The following PREP variants were observed in gnomAD, a reference collection of about 807,000 sequenced individuals.
PREP encodes the protein dJ355L5.1 (prolyl endopeptidase).
In PREP, 29 loss-of-function variants were observed where a neutral mutation model predicts 87.6. That is an observed-to-expected ratio of 0.33 (90% CI 0.25 to 0.45). The LOEUF (loss-of-function observed/expected upper bound fraction) is 0.45. Ranked by LOEUF, PREP falls within the 20% of genes least tolerant of loss-of-function variation. The pLI is 1.00. For synonymous variants in PREP, 337 were observed against 328.6 expected (o/e 1.03, Z -0.28); for missense variants, 695 against 886.5 (o/e 0.78, Z 2.74).
At chr6:105,363,360 C>G (rs967531660) in intron 6 of PREP, among the ~76,000 whole-genome samples, 45 of 152,304 alleles carry the variant, frequency 3.0e-4, no homozygotes, top group African/African-American at 1.1e-3. Context: ...TCCCCAGATG[C>G]TCACAATTCA....
At chr6:105,352,936 T>C (rs1771996482) in intron 7 of PREP, 36 bp downstream of exon 7, 1 of 1,534,670 alleles carries the variant, frequency 6.5e-7, no homozygotes, top group Non-Finnish European at 9.0e-7. Context: ...ATGAAGTTTC[T>C]TGGAATAACT....
chr6:105,281,978 T>C, intron 13 of PREP, 76 bp from the exon 14 acceptor site: 3 of 1,514,348 alleles, frequency 2.0e-6, no homozygotes, highest in South Asian at 2.5e-5. Context: ...AGGCAATACT[T>C]ACTTACATGC....
At chr6:105,374,531 A>C (rs886591811) in intron 4 of PREP, among the ~76,000 whole-genome samples, 8 of 151,566 alleles carry the variant, frequency 5.3e-5, no homozygotes, top group African/African-American at 1.9e-4. Context: ...TAAAGTATCT[A>C]GGCTCATATG....
At chr6:105,279,148 A>C (rs936188302) in intron 14 of PREP, 1 of 152,212 alleles carries the variant, frequency 6.6e-6, no homozygotes, top group Non-Finnish European at 1.5e-5. Flanking sequence ...AATAGTTGAA[A>C]TATCTGGATA....
At position 105,276,825 on chromosome 6, in the gene PREP, AGAGAAT is replaced by A. The variant is rs1355225843; in HGVS notation, c.*1313_*1318del. Among the ~76,000 whole-genome samples the A allele has an allele frequency of 6.6e-6, 1 of 152,242 alleles. No homozygotes were observed. Among genetic ancestry groups the A allele is most frequent in the Non-Finnish European group, 1.5e-5 (1 of 68,040 alleles). The stretch of plus-strand genomic sequence containing the variant: ...AATTTTTGACCATAACTTGAAACGT[AGAGAAT>A]GAGAGAGTGCTCTTAAAAGCACATA... On this transcript the variant is annotated 3_prime_UTR_variant, in exon 15 of 15. Coordinates refer to ENST00000652536, the MANE Select transcript of PREP (RefSeq NM_002726.5).
At chr6:105,309,829 G>T (rs934983477) in intron 10 of PREP, among the ~76,000 whole-genome samples, 2 of 152,132 alleles carry the variant, frequency 1.3e-5, no homozygotes, top group South Asian at 2.1e-4. Flanking sequence ...AAGGGAACTT[G>T]TTTCTGAGTG....
intron 1 of PREP, 124 bp downstream of exon 1, chr6:105,402,723 C>A (rs1488157469): frequency 2.2e-6 from 2 of 901,030 alleles, no homozygotes; most frequent in Non-Finnish European, 3.1e-6. Flanking sequence ...CAAACAAAGG[C>A]CGAGGGGGAG....
chr6:105,358,218 C>A (rs1469792981), intron 6 of PREP, among the ~76,000 whole-genome samples: 2 of 152,042 alleles, frequency 1.3e-5, no homozygotes, highest in Admixed American at 6.6e-5. Flanking sequence ...AAAAGAATTA[C>A]TATAAATGAA....
intron 5 of PREP, 105 bp downstream of exon 5, chr6:105,373,264 T>C: frequency 7.9e-7 from 1 of 1,262,270 alleles, no homozygotes; most frequent in South Asian, 1.3e-5. Context: ...GGAAACATGG[T>C]TCTGGACCAC....
chr6:105,367,213 T>TA (rs1014013879), intron 6 of PREP, among the ~76,000 whole-genome samples: 28 of 152,188 alleles, frequency 1.8e-4, no homozygotes, highest in Admixed American at 1.8e-3. Flanking sequence ...CAGATGAAGG[T>TA]AAAAAATGTA....
Position 105,278,272 on chromosome 6 carries a change from G to T in PREP, c.2005C>A (p.Pro669Thr). 1 of 1,614,240 alleles carries T rather than the reference G, an allele frequency of 6.2e-7. No homozygotes were observed. Among genetic ancestry groups the T allele is most frequent in the African/African-American group, 1.3e-5 (1 of 75,062 alleles). ...TTGGTGTCCACGTGGATAAGCAGGG[G>T]GTTGCTTTGCTTCCTGCTGCGGCCC... ...IVGRSRKQSN[P>T]LLIHVDTKAG... The change falls in exon 15 of 15, where the codon CCC becomes ACC. Residue 669 changes from proline to threonine, a missense_variant. This residue lies in a region of PREP where 121 missense variants were observed against 154.8 expected (regional missense o/e 0.78). Transcript: ENST00000652536. This position sits in a 1 kb window ranked among gnomAD's most constrained non-coding sequence, Gnocchi z 4.2.
intron 2 of PREP, among the ~76,000 whole-genome samples, chr6:105,391,593 G>A (rs1773149013): frequency 6.6e-6 from 1 of 152,190 alleles, no homozygotes; most frequent in Admixed American, 6.5e-5. Flanking sequence ...TATGCTAATG[G>A]GAGATGTTAC....
intron 6 of PREP, among the ~76,000 whole-genome samples, chr6:105,365,723 C>A (rs979375845): frequency 6.6e-6 from 1 of 152,122 alleles, no homozygotes; most frequent in Non-Finnish European, 1.5e-5. Context: ...CAAGACCACC[C>A]AAGTTCTGGA....
At chr6:105,289,593 C>A (rs1368506671) in intron 10 of PREP, among the ~76,000 whole-genome samples, 1 of 152,086 alleles carries the variant, frequency 6.6e-6, no homozygotes, top group Non-Finnish European at 1.5e-5. Flanking sequence ...AAGTAAACAT[C>A]TCCTTATCCT....
intron 10 of PREP, among the ~76,000 whole-genome samples, chr6:105,317,114 TA>T (rs201487403): frequency 6.7e-6 from 1 of 150,318 alleles, no homozygotes; most frequent in East Asian, 2.0e-4. Flanking sequence ...CCTGGCTAAT[TA>T]AAAAAAAATA....
At chr6:105,279,360 T>A (rs1770020877) in intron 14 of PREP, among the ~76,000 whole-genome samples, 1 of 152,206 alleles carries the variant, frequency 6.6e-6, no homozygotes, top group South Asian at 2.1e-4. Flanking sequence ...GATGGAGATC[T>A]GTTTTCTGAT....
rs1583088166 is a variant in PREP, at chr6:105,368,754, G to C, written c.717+149C>G. On this transcript the variant is annotated intron_variant, in intron 6 of 14. Transcript: ENST00000652536. Reference sequence around the variant, plus strand: ...AAAGGTTTATCACCTCCATTATTAAGAGTCAATCTGAATACCAATATTTTT... The same window carrying C: ...AAAGGTTTATCACCTCCATTATTAACAGTCAATCTGAATACCAATATTTTT... 5 of 906,948 alleles carry C rather than the reference G, an allele frequency of 5.5e-6. No homozygotes were observed. In the South Asian group the frequency reaches 6.2e-5, roughly 11 times the overall value. 56.2% of individuals were successfully genotyped at this position (906,948 alleles called of 1,614,324 possible). A position where few individuals can be genotyped will look rare whatever the true frequency, so the allele number is the denominator to read the frequency against.
intron 2 of PREP, among the ~76,000 whole-genome samples, chr6:105,384,489 C>G (rs12195834): frequency 1.3e-5 from 2 of 152,100 alleles, no homozygotes; most frequent in African/African-American, 4.8e-5. Flanking sequence ...TTCTTGGTAC[C>G]GCTCGCTTGT....
intron 7 of PREP, among the ~76,000 whole-genome samples, chr6:105,345,798 C>T (rs1294719750): frequency 2.0e-5 from 3 of 152,170 alleles, no homozygotes; most frequent in Admixed American, 6.5e-5. Flanking sequence ...CCTCACCAGC[C>T]TCAGTTTCCT....
Sources: allele counts gnomAD v4.1 joint callset (sites outside exome capture counted in the v4.1 genomes callset), GRCh38; gene constraint gnomAD v4.1.1; regional missense constraint gnomAD v4.1.1; non-coding constraint Gnocchi (gnomAD v3.1); transcripts MANE v1.5; gene names NCBI Gene and HGNC (gene_info 2026-07-23, HGNC 2026-07-21).